C16orf96: variants seen among roughly 807,000 people sequenced by gnomAD.
C16orf96 encodes uncharacterized protein C16orf96.
In C16orf96, 108 loss-of-function variants were observed where a neutral mutation model predicts 103.6. That is an observed-to-expected ratio of 1.04 (90% CI 0.89 to 1.22). C16orf96 has a LOEUF of 1.22. Among genes scored for constraint, C16orf96 ranks in the 50% most tolerant of loss-of-function variants. The probability of loss-of-function intolerance (pLI) is 0.00; values close to 1 mark genes in which losing one functional copy is unlikely to be tolerated. For synonymous variants in C16orf96, 566 were observed against 593.5 expected (o/e 0.95, Z 0.67); for missense variants, 1,586 against 1,464.2 (o/e 1.08, Z -1.36).
At chr16:4,566,287 A>C (rs1214301586) in intron 1 of C16orf96, among the ~76,000 whole-genome samples, 1 of 152,218 alleles carries the variant, frequency 6.6e-6, no homozygotes. Flanking sequence ...CACAATTTAC[A>C]TTCCCAGCAG....
intron 1 of C16orf96, among the ~76,000 whole-genome samples, chr16:4,570,577 G>A: frequency 6.6e-6 from 1 of 150,466 alleles, no homozygotes; most frequent in Admixed American, 6.7e-5. Context: ...TGATTCTCCT[G>A]CCCCATCCTC....
intron 12 of C16orf96, among the ~76,000 whole-genome samples, 152 bp from the exon 13 acceptor site, chr16:4,594,199 C>T (rs923911337): frequency 1.8e-4 from 27 of 151,758 alleles, no homozygotes; most frequent in African/African-American, 5.6e-4. Context: ...TGTATCCATC[C>T]GCCAGGCCCC....
At chr16:4,584,572 T>C (rs1896873816) in intron 7 of C16orf96, among the ~76,000 whole-genome samples, 1 of 151,924 alleles carries the variant, frequency 6.6e-6, no homozygotes, top group African/African-American at 2.4e-5. Flanking sequence ...TTTCACTCTG[T>C]TGCCCAGGCT....
chr16:4,592,361 C>CTG lies in C16orf96; in HGVS notation c.2769_2770dup (p.Gly924ValfsTer5), dbSNP rs776308243. 5.2e-6 allele frequency: 8 copies of CTG among 1,551,538 alleles called. No individual in the cohort carries two copies. The highest frequency in any genetic ancestry group is 7.0e-6 in the Non-Finnish European group (8 of 1,147,000). ...TGTGACCGGCCTGTGGAGATGATGA[C>CTG]TGGCCCGTGAGTACCACCGCCCAGG... On this transcript the variant is annotated frameshift_variant, in exon 11 of 16. Coordinates refer to ENST00000444310, the MANE Select transcript of C16orf96 (RefSeq NM_001145011.2). LOFTEE classifies it high-confidence loss of function.
chr16:4,580,310 A>ACCCCCCCCCCCCCCCCCCC (rs150403662), intron 7 of C16orf96, among the ~76,000 whole-genome samples, 185 bp downstream of exon 7: 2 of 104,506 alleles, frequency 1.9e-5, no homozygotes, highest in Admixed American at 1.2e-4. Context: ...GAATCCCACC[A>ACCCCCCCCCCCCCCCCCCC]CCCCCCCCCA....
intron 7 of C16orf96, among the ~76,000 whole-genome samples, chr16:4,585,957 G>T (rs1567453293): frequency 6.6e-6 from 1 of 152,136 alleles, no homozygotes; most frequent in Non-Finnish European, 1.5e-5. Context: ...AGAGAGGGAA[G>T]GATAGAAAAC....
At chr16:4,557,562 G>A (rs113669595) in intron 1 of C16orf96, among the ~76,000 whole-genome samples, 13 of 152,310 alleles carry the variant, frequency 8.5e-5, no homozygotes, top group African/African-American at 3.1e-4. Context: ...TTGGGGTGAT[G>A]AAAATGTTTT....
chr16:4,541,790 T>C, the C16orf96 span, among the ~76,000 whole-genome samples: 1 of 152,204 alleles, frequency 6.6e-6, no homozygotes, highest in East Asian at 1.9e-4. Flanking sequence ...GTGCAGGCAA[T>C]TGAGTTCAAT....
upstream of C16orf96, among the ~76,000 whole-genome samples, chr16:4,554,545 C>T (rs1312173931): frequency 3.3e-5 from 5 of 151,480 alleles, no homozygotes; most frequent in East Asian, 5.9e-4. Flanking sequence ...GAAGTAGAGA[C>T]GGGGTTTCAC....
At chr16:4,553,552 G>C (rs1312639265), upstream of C16orf96, among the ~76,000 whole-genome samples, 4 of 151,960 alleles carry the variant, frequency 2.6e-5, no homozygotes, top group South Asian at 8.3e-4. Flanking sequence ...TGTGCAGGCT[G>C]GTCTCACGCT....
At chr16:4,586,957 T>C in intron 7 of C16orf96, 82 bp from the exon 8 acceptor site, 1 of 1,272,088 alleles carries the variant, frequency 7.9e-7, no homozygotes. Flanking sequence ...CCCCAGCATA[T>C]GGTAATGGTA....
chr16:4,579,611 C>G (rs1179840524), intron 6 of C16orf96, among the ~76,000 whole-genome samples: 1 of 71,432 alleles, frequency 1.4e-5, no homozygotes, highest in Non-Finnish European at 2.6e-5. Context: ...GGTCTGATAC[C>G]TTATTTTTTT....
intron 5 of C16orf96, among the ~76,000 whole-genome samples, chr16:4,578,232 T>G (rs1269443973): frequency 6.6e-6 from 1 of 152,138 alleles, no homozygotes; most frequent in Non-Finnish European, 1.5e-5. Context: ...AGCCTCCGCC[T>G]CCTGGGTTCG....
intron 13 of C16orf96, 52 bp downstream of exon 13, chr16:4,594,562 G>C (rs1004502335): frequency 6.5e-7 from 1 of 1,543,824 alleles, no homozygotes; most frequent in Admixed American, 2.0e-5. Flanking sequence ...GCGCACCCCA[G>C]CCCCAGGTGT....
At chr16:4,561,462 A>AG (rs1261584268) in intron 1 of C16orf96, 1 of 152,260 alleles carries the variant, frequency 6.6e-6, no homozygotes, top group Admixed American at 6.5e-5. Flanking sequence ...CCTTGCAGGC[A>AG]GGATGGGCAG....
the C16orf96 span, among the ~76,000 whole-genome samples, chr16:4,546,665 C>T: frequency 3.3e-4 from 50 of 151,950 alleles, no homozygotes; most frequent in Admixed American, 5.3e-4. Flanking sequence ...AGGGTCTCAC[C>T]GCGTTGCCCA....
chr16:4,565,310 T>C (rs1320395573), intron 1 of C16orf96, among the ~76,000 whole-genome samples: 1 of 152,178 alleles, frequency 6.6e-6, no homozygotes, highest in Non-Finnish European at 1.5e-5. Flanking sequence ...CCAGTCACCC[T>C]GGGCAGAAAA....
rs539952442 is a variant in C16orf96, at chr16:4,599,078, G to A, written c.3128-206G>A. 6.0e-5 allele frequency among the ~76,000 whole-genome samples: 9 copies of A among 150,870 alleles called. No individual in the cohort carries two copies. The South Asian group carries it at 1.9e-3, about 32-fold the overall frequency. On this transcript the variant is annotated intron_variant, in intron 14 of 15. Transcript: ENST00000444310. ...AGGCTGCGTGCGCTCCAGCCTAGGT[G>A]ACAGAGCGGAGACCCTGCCTCAAGA...
intron 1 of C16orf96, among the ~76,000 whole-genome samples, chr16:4,558,901 G>C (rs144954351): frequency 1.0e-4 from 14 of 133,450 alleles, no homozygotes; most frequent in African/African-American, 3.2e-4. Context: ...GTGACAGAGC[G>C]AGACTCTGTC....
Sources: allele counts gnomAD v4.1 joint callset (sites outside exome capture counted in the v4.1 genomes callset), GRCh38; gene constraint gnomAD v4.1.1; transcripts MANE v1.5; gene names NCBI Gene and HGNC (gene_info 2026-07-23, HGNC 2026-07-21).